Variants in APLP2 observed in about 807,000 individuals in gnomAD.
APLP2 encodes CDEI box-binding protein.
APLP2 carries 53 observed loss-of-function variants against 89.9 expected under a neutral mutation model. That is an observed-to-expected ratio of 0.59 (90% CI 0.47 to 0.74). The LOEUF is 0.74. Among genes scored for constraint, APLP2 ranks in the 30% least tolerant of loss-of-function variants. The pLI, the probability that APLP2 is intolerant of heterozygous loss-of-function variation, is 0.00. For synonymous variants in APLP2, 372 were observed against 348.6 expected (o/e 1.07, Z -0.75); for missense variants, 973 against 975.9 (o/e 1.00, Z 0.04).
At chr11:130,122,257 T>C (rs1039455692) in intron 5 of APLP2, 48 bp from the exon 6 acceptor site, 1 of 1,603,294 alleles carries the variant, frequency 6.2e-7, no homozygotes, top group Non-Finnish European at 8.5e-7. Context: ...TGTTGTGCTT[T>C]GCACATAGGA....
rs1215541404 is a variant in APLP2, at chr11:130,144,454, A to G, written c.*1006A>G. The G allele has an allele frequency of 6.6e-6, 1 of 152,300 alleles. No homozygotes were observed. The highest frequency in any genetic ancestry group is 1.5e-5 in the Non-Finnish European group (1 of 68,104). The allele number at this position is 152,300 out of a possible 1,614,324, so 9.4% of individuals were successfully genotyped here. A position where few individuals can be genotyped will look rare whatever the true frequency, so the allele number is the denominator to read the frequency against. On this transcript the variant is annotated 3_prime_UTR_variant, in exon 17 of 17. Transcript: ENST00000338167. ...ACACGGGGAGGTTTGTTTGTGTGAA[A>G]GGAAAGTAGTCCAGGCTGTCCCTGA...
chr11:130,100,947 C>T (rs138843146), intron 1 of APLP2, among the ~76,000 whole-genome samples: 1 of 152,172 alleles, frequency 6.6e-6, no homozygotes, highest in African/African-American at 2.4e-5. Flanking sequence ...AACAAGAATC[C>T]TGCTATTTTA....
chr11:130,123,507 C>A lies in APLP2; in HGVS notation c.923-105C>A. On this transcript the variant is annotated intron_variant, in intron 6 of 16. Transcript: ENST00000338167. The surrounding 1 kb of genome is among the most constrained non-coding windows in gnomAD (Gnocchi z 4.0). ...ACCGGGCCTCCAGGCTCCGTCCAGT[C>A]TCAGGCCTCCCCCAGCCCATCCCCC... 7.8e-7 allele frequency: 1 copy of A among 1,286,442 alleles called. No homozygotes were observed. Among genetic ancestry groups the A allele is most frequent in the South Asian group, 1.4e-5 (1 of 70,248 alleles). The allele number at this position is 1,286,442 out of a possible 1,614,324, so 79.7% of individuals were successfully genotyped here. A position where few individuals can be genotyped will look rare whatever the true frequency, so the allele number is the denominator to read the frequency against.
At chr11:130,137,512 G>C (rs1327119307) in intron 13 of APLP2, among the ~76,000 whole-genome samples, 1 of 152,184 alleles carries the variant, frequency 6.6e-6, no homozygotes, top group Admixed American at 6.5e-5. Flanking sequence ...TGGTTACCTC[G>C]TGGTCATGCT....
chr11:130,143,137 C>T (rs373759827), intron 16 of APLP2, among the ~76,000 whole-genome samples: 83 of 152,294 alleles, frequency 5.4e-4, no homozygotes, highest in African/African-American at 1.9e-3. Flanking sequence ...GCTTTCAGGG[C>T]TCTCGTTTCG....
intron 3 of APLP2, among the ~76,000 whole-genome samples, chr11:130,120,403 G>A (rs1474241983): frequency 6.6e-6 from 1 of 152,190 alleles, no homozygotes; most frequent in Non-Finnish European, 1.5e-5. Context: ...TGTGTCTGAG[G>A]CGGGCATGGA....
rs763769514 is a variant in APLP2, at chr11:130,110,608, G to T, written c.350G>T (p.Arg117Leu). ...NQRVSIDNWC[R>L]RDKKQCKSRF... ...CGGGTTAGTATTGACAACTGGTGCC[G>T]GAGGGACAAAAAGCAATGCAAGAGT... The change falls in exon 3 of 17, where the codon CGG becomes CTG. Residue 117 changes from arginine to leucine, a missense_variant. Transcript: ENST00000338167. 2 of 1,613,818 alleles carry T rather than the reference G, an allele frequency of 1.2e-6. No individual in the cohort carries two copies. Among genetic ancestry groups the T allele is most frequent in the South Asian group, 2.2e-5 (2 of 91,068 alleles).
rs754608881 is a variant in APLP2 at position 130,122,473 on chromosome 11, C to T, written c.882C>T (p.Asp294=). The change falls in exon 6 of 17, where the codon GAC becomes GAT. Residue 294 remains aspartate (D), a synonymous_variant. Transcript: ENST00000338167. ...NEENPTEPGS[D]GTMSDKEITH... is the part of the protein sequence containing the mutation. ...AGAATCCTACTGAACCCGGCAGCGA[C>T]GGCACCATGTCAGACAAGGAAATTA... 8.7e-6 allele frequency: 14 copies of T among 1,613,990 alleles called. No homozygotes were observed. The highest frequency in any genetic ancestry group is 1.6e-4 in the Middle Eastern group (1 of 6,080).
chr11:130,107,336 G>A (rs950426702), intron 1 of APLP2, among the ~76,000 whole-genome samples: 1 of 152,206 alleles, frequency 6.6e-6, no homozygotes, highest in African/African-American at 2.4e-5. Flanking sequence ...TATCCCAGAT[G>A]GGGATTGAGG....
Position 130,143,572 on chromosome 11 carries a change from C to T in APLP2, c.*124C>T, listed in dbSNP as rs926086250. 42 of 752,186 alleles carry T rather than the reference C, an allele frequency of 5.6e-5. No individual in the cohort carries two copies. The highest frequency in any genetic ancestry group is 3.6e-4 in the South Asian group (24 of 66,564). 46.6% of individuals were successfully genotyped at this position (752,186 alleles called of 1,614,324 possible). A position where few individuals can be genotyped will look rare whatever the true frequency, so the allele number is the denominator to read the frequency against. ...GCGTCTGACATCCTGACCTCCTGGA[C>T]TGTAGGACTATATAAAGTACTACTG... On this transcript the variant is annotated 3_prime_UTR_variant, in exon 17 of 17. Transcript: ENST00000338167.
chr11:130,091,820 G>T (rs1945305654), intron 1 of APLP2, among the ~76,000 whole-genome samples: 1 of 145,390 alleles, frequency 6.9e-6, no homozygotes, highest in Non-Finnish European at 1.5e-5. Flanking sequence ...GCGGGGGGCT[G>T]ACCCCCCCCC....
chr11:130,110,590 G>C lies in APLP2; in HGVS notation c.332G>C (p.Ser111Thr), dbSNP rs553545609. The change falls in exon 3 of 17, where the codon AGT becomes ACT. Residue 111 changes from serine to threonine, a missense_variant. Coordinates refer to ENST00000338167, the MANE Select transcript of APLP2 (RefSeq NM_001142276.2). ...TNVMEANQRVSIDNWCRRDKK... is the reference protein window; with the variant it reads ...TNVMEANQRVTIDNWCRRDKK... ...GTGATGGAGGCAAACCAGCGGGTTAGTATTGACAACTGGTGCCGGAGGGAC... is the reference window on the plus strand; with the variant it reads ...GTGATGGAGGCAAACCAGCGGGTTACTATTGACAACTGGTGCCGGAGGGAC... 19 of 1,613,870 alleles carry C rather than the reference G, an allele frequency of 1.2e-5. No individual in the cohort carries two copies. The Admixed American group carries it at 1.5e-4, about 13-fold the overall frequency.
At position 130,141,585 on chromosome 11, in the gene APLP2, C is replaced by T. The variant is rs976537045; in HGVS notation, c.1998+13C>T. ...CGAGGAAGAGCGGGTACGTGTTTAG[C>T]TCCAGAACCTAAGGTTTCCTGCCAA... is the stretch of plus-strand genomic sequence containing the variant. On this transcript the variant is annotated intron_variant, in intron 15 of 16. Transcript: ENST00000338167. This position sits in a 1 kb window ranked among gnomAD's most constrained non-coding sequence, Gnocchi z 4.2. The T allele has an allele frequency of 5.0e-6, 8 of 1,611,300 alleles. No individual in the cohort carries two copies. The highest frequency in any genetic ancestry group is 5.9e-6 in the Non-Finnish European group (7 of 1,177,718).
intron 3 of APLP2, among the ~76,000 whole-genome samples, chr11:130,112,052 T>G (rs913760738): frequency 6.6e-6 from 1 of 152,184 alleles, no homozygotes; most frequent in Admixed American, 6.5e-5. Flanking sequence ...TTTATCTCCC[T>G]GTATGCGGTC....
intron 1 of APLP2, among the ~76,000 whole-genome samples, chr11:130,093,177 A>G (rs370421053): frequency 4.7e-4 from 72 of 152,332 alleles, no homozygotes; most frequent in African/African-American, 1.7e-3. Context: ...GGAGAGGCAA[A>G]GGCCGCTCTT....
At chr11:130,137,750 G>A (rs1300243654) in intron 13 of APLP2, among the ~76,000 whole-genome samples, 1 of 151,886 alleles carries the variant, frequency 6.6e-6, no homozygotes, top group African/African-American at 2.4e-5. Flanking sequence ...CTCGCCCTTT[G>A]TCTGTGCCAG....
At chr11:130,136,694 C>T (rs1951656310) in intron 13 of APLP2, among the ~76,000 whole-genome samples, 1 of 152,114 alleles carries the variant, frequency 6.6e-6, no homozygotes, top group East Asian at 1.9e-4. Flanking sequence ...AGTTGACTCT[C>T]CAGAAATAAA....
intron 10 of APLP2, 32 bp downstream of exon 10, chr11:130,129,238 A>G: frequency 6.3e-7 from 1 of 1,594,664 alleles, no homozygotes; most frequent in Middle Eastern, 1.8e-4. Flanking sequence ...GCCTGCCCTG[A>G]GGTGGTATAT....
intron 1 of APLP2, chr11:130,070,706 C>A: frequency 6.8e-7 from 1 of 1,477,168 alleles, no homozygotes; most frequent in Non-Finnish European, 8.9e-7. Flanking sequence ...TTTTAAGTGG[C>A]GCTGTTTGCC....
Sources: allele counts gnomAD v4.1 joint callset (sites outside exome capture counted in the v4.1 genomes callset), GRCh38; gene constraint gnomAD v4.1.1; non-coding constraint Gnocchi (gnomAD v3.1); transcripts MANE v1.5; gene names NCBI Gene and HGNC (gene_info 2026-07-23, HGNC 2026-07-21).